Variants in ITPR3 observed in about 807,000 individuals in gnomAD.
ITPR3 encodes the protein inositol 1,4,5-trisphosphate-gated calcium channel ITPR3.
In ITPR3, 173 loss-of-function variants were observed where a neutral mutation model predicts 293.2. That is an observed-to-expected ratio of 0.59 (90% CI 0.52 to 0.67). The LOEUF is 0.67. Ranked by LOEUF, ITPR3 falls within the 30% of genes least tolerant of loss-of-function variation. ITPR3 has a pLI of 0.00. For synonymous variants in ITPR3, 1,295 were observed against 1,444.4 expected, an observed-to-expected ratio of 0.90 and a Z score of 2.35; for missense variants, 2,796 against 3,592.1, an observed-to-expected ratio of 0.78 and a Z score of 5.66.
intron 57 of ITPR3, chr6:33,695,496 G>A (rs1765518385): frequency 1.7e-6 from 1 of 587,582 alleles, no homozygotes; most frequent in Non-Finnish European, 3.0e-6. Flanking sequence ...TTTCCCAGCT[G>A]CATCAAATCC....
In ITPR3 at chr6:33,684,594, C is replaced by T. The variant is rs1582159387; in HGVS notation, c.5047-4C>T. On this transcript the variant is annotated splice_polypyrimidine_tract_variant and splice_region_variant and intron_variant, in intron 37 of 57. Coordinates refer to ENST00000605930, the MANE Select transcript of ITPR3 (RefSeq NM_002224.4). The surrounding 1 kb of genome is among the most constrained non-coding windows in gnomAD (Gnocchi z 4.2). ...AATGGGGCCTCACTCCCATCCTCCC[C>T]CAGGGCAACCAGCTGCGCAAGATGC... The T allele has an allele frequency of 6.2e-7, 1 of 1,614,084 alleles. No homozygotes were observed. The highest frequency in any genetic ancestry group is 2.2e-5 in the East Asian group (1 of 44,884).
intron 3 of ITPR3, among the ~76,000 whole-genome samples, chr6:33,657,607 T>TG (rs776753596): frequency 1.7e-5 from 2 of 117,808 alleles, no homozygotes; most frequent in Non-Finnish European, 3.6e-5. Flanking sequence ...TTTAGGTTCC[T>TG]GGGGGGGTAA....
At chr6:33,663,058 G>A (rs767639499) in intron 9 of ITPR3, 52 bp downstream of exon 9, 5 of 1,487,856 alleles carry the variant, frequency 3.4e-6, no homozygotes, top group Non-Finnish European at 3.7e-6. Context: ...TGTACACGTG[G>A]GTGTGCGGGA....
intron 7 of ITPR3, among the ~76,000 whole-genome samples, chr6:33,661,592 A>G (rs937370006): frequency 6.6e-6 from 1 of 152,204 alleles, no homozygotes; most frequent in African/African-American, 2.4e-5. Context: ...CACGCATATT[A>G]TAATCCTCAC....
At chr6:33,671,110 C>A in intron 20 of ITPR3, 55 bp from the exon 21 acceptor site, 2 of 1,604,292 alleles carry the variant, frequency 1.2e-6, no homozygotes, top group South Asian at 2.2e-5. Context: ...TCCACGAAGC[C>A]CCGCCCCTAC....
In ITPR3 at chr6:33,692,308, G is replaced by A. The variant is rs1169865504; in HGVS notation, c.7458+380G>A. Among the ~76,000 whole-genome samples, 7 of 152,210 alleles carry A rather than the reference G, an allele frequency of 4.6e-5. No individual in the cohort carries two copies. Among genetic ancestry groups the A allele is most frequent in the Non-Finnish European group, 1.5e-5 (1 of 68,026 alleles). On this transcript the variant is annotated intron_variant, in intron 54 of 57. Coordinates refer to ENST00000605930, the MANE Select transcript of ITPR3 (RefSeq NM_002224.4). The surrounding 1 kb of genome is among the most constrained non-coding windows in gnomAD (Gnocchi z 4.2). The stretch of plus-strand genomic sequence containing the variant: ...TGTCAGGCCTTCCCCTGTTGCTTGG[G>A]AGTGAGAGGCCGCCTCCCTGGCCAG...
At chr6:33,688,459 G>GGGGGGCC in intron 48 of ITPR3, 28 bp downstream of exon 48, 1 of 440,070 alleles carries the variant, frequency 2.3e-6, no homozygotes, top group Non-Finnish European at 4.4e-6. Flanking sequence ...GGAGGGTGGG[G>GGGGGGCC]CGGTCTGGAG....
At position 33,679,306 on chromosome 6, in the gene ITPR3, C is replaced by T. The variant is rs1378977891; in HGVS notation, c.3972+467C>T. 1.3e-5 allele frequency among the ~76,000 whole-genome samples: 2 copies of T among 152,038 alleles called. No individual in the cohort carries two copies. Among genetic ancestry groups the T allele is most frequent in the Non-Finnish European group, 2.9e-5 (2 of 68,006 alleles). ...TCAACAGACACCTGTTGAGTGAAGGCACGAAGGATACAGGGCTGAGTCTAA... is the reference window on the plus strand; with the variant it reads ...TCAACAGACACCTGTTGAGTGAAGGTACGAAGGATACAGGGCTGAGTCTAA... On this transcript the variant is annotated intron_variant, in intron 30 of 57. Coordinates refer to ENST00000605930, the MANE Select transcript of ITPR3 (RefSeq NM_002224.4). The surrounding 1 kb of genome is among the most constrained non-coding windows in gnomAD (Gnocchi z 4.2).
At chr6:33,680,734 G>A in intron 33 of ITPR3, 54 bp downstream of exon 33, 1 of 1,569,314 alleles carries the variant, frequency 6.4e-7, no homozygotes, top group South Asian at 1.1e-5. Context: ...CTTTTGTGAA[G>A]GGAAGGGGGG....
chr6:33,626,863 T>C (rs1763560055), intron 1 of ITPR3, among the ~76,000 whole-genome samples: 1 of 152,230 alleles, frequency 6.6e-6, no homozygotes, highest in Non-Finnish European at 1.5e-5. Context: ...TGGAGTACAA[T>C]GGCACAATCT....
intron 7 of ITPR3, among the ~76,000 whole-genome samples, chr6:33,661,992 G>GAAAAAAAAAC (rs1764482028): frequency 2.1e-5 from 1 of 47,186 alleles, no homozygotes; most frequent in African/African-American, 6.6e-5. Context: ...GACTGTCTCT[G>GAAAAAAAAAC]AAAAAAAAAA....
Position 33,659,540 on chromosome 6 carries a change from G to A in ITPR3, c.702G>A (p.Val234=). 6.2e-7 allele frequency: 1 copy of A among 1,613,872 alleles called. No individual in the cohort carries two copies. Among genetic ancestry groups the A allele is most frequent in the Non-Finnish European group, 8.5e-7 (1 of 1,179,806 alleles). The part of the protein sequence containing the change: ...FMQFRDHLEE[V]LKGGDVVRLF... ...AGTTTCGGGACCACCTGGAGGAGGT[G>A]TTGAAAGGGGTAAGGACTGGGAACC... is the stretch of plus-strand genomic sequence containing the variant. Residue 234 remains valine (V), a synonymous_variant, in exon 7 of 58, where the codon GTG becomes GTA. Coordinates refer to ENST00000605930, the MANE Select transcript of ITPR3 (RefSeq NM_002224.4).
chr6:33,694,721 C>CAGAGGGTTGACA (rs1193407262), intron 56 of ITPR3: 3 of 550,200 alleles, frequency 5.5e-6, no homozygotes, highest in Non-Finnish European at 9.3e-6. Flanking sequence ...GTCTCGGTGG[C>CAGAGGGTTGACA]AGAGGGTTGA....
chr6:33,663,586 G>C (rs571527692), intron 10 of ITPR3, 36 bp downstream of exon 10: 40 of 1,601,478 alleles, frequency 2.5e-5, no homozygotes, highest in Non-Finnish European at 3.3e-5. Flanking sequence ...GAGACCATGG[G>C]CCTGCCCTGG....
At chr6:33,631,765 G>A (rs1435617079) in intron 1 of ITPR3, among the ~76,000 whole-genome samples, 1 of 152,102 alleles carries the variant, frequency 6.6e-6, no homozygotes, top group Non-Finnish European at 1.5e-5. Context: ...GCTAATTAAC[G>A]GGTGCATTCC....
Position 33,686,085 on chromosome 6 carries a change from C to T in ITPR3, c.5700C>T (p.Asn1900=), listed in dbSNP as rs367565058. 6 of 1,614,070 alleles carry T rather than the reference C, an allele frequency of 3.7e-6. No homozygotes were observed. The African/African-American group carries it at 8.0e-5, about 22-fold the overall frequency. Residue 1900 remains asparagine (N), a synonymous_variant, in exon 42 of 58, where the codon AAC becomes AAT. Coordinates refer to ENST00000605930, the MANE Select transcript of ITPR3 (RefSeq NM_002224.4). The part of the protein sequence containing the change: ...NFLRCQNNKT[N]YNLVCETLQF... ...TGCGCTGTCAGAACAACAAAACCAA[C>T]TACAACTTGGTATGCGAGACGCTGC...
intron 56 of ITPR3, among the ~76,000 whole-genome samples, chr6:33,694,012 C>T (rs948773468): frequency 2.0e-5 from 3 of 152,188 alleles, no homozygotes; most frequent in Non-Finnish European, 4.4e-5. Context: ...AACCCATGCG[C>T]CCCGAAGAAC....
rs572905492 is a variant in ITPR3 at position 33,680,615 on chromosome 6, G to A, written c.4411G>A (p.Val1471Ile). 42 of 1,614,112 alleles carry A rather than the reference G, an allele frequency of 2.6e-5. No homozygotes were observed. Among genetic ancestry groups the A allele is most frequent in the African/African-American group, 8.0e-5 (6 of 75,028 alleles). The change falls in exon 33 of 58, where the codon GTT becomes ATT. Residue 1471 changes from valine to isoleucine, a missense_variant. Transcript: ENST00000605930. ...CACCTTGGAGAAGTACGTGCTGAGC[G>A]TTGTGCTGGACACCATCAACGCCTT... is the stretch of plus-strand genomic sequence containing the variant. ...DPTLEKYVLSVVLDTINAFFS... is the reference protein window; with the variant it reads ...DPTLEKYVLSIVLDTINAFFS...
At position 33,658,193 on chromosome 6, in the gene ITPR3, CTG is replaced by C. The variant is rs1287353164; in HGVS notation, c.369+180_369+181del. On this transcript the variant is annotated intron_variant, in intron 4 of 57. Coordinates refer to ENST00000605930, the MANE Select transcript of ITPR3 (RefSeq NM_002224.4). This position sits in a 1 kb window ranked among gnomAD's most constrained non-coding sequence, Gnocchi z 6.1. The stretch of plus-strand genomic sequence containing the variant: ...CGTCTGACTGTGTGTGTGTCTGTTG[CTG>C]TGTGGCCTGAGTAGCTGTGCCATGG... Among the ~76,000 whole-genome samples, 2 of 152,156 alleles carry C rather than the reference CTG, an allele frequency of 1.3e-5. No individual in the cohort carries two copies. Among genetic ancestry groups the C allele is most frequent in the Non-Finnish European group, 2.9e-5 (2 of 68,022 alleles).
Sources: allele counts gnomAD v4.1 joint callset (sites outside exome capture counted in the v4.1 genomes callset), GRCh38; gene constraint gnomAD v4.1.1; non-coding constraint Gnocchi (gnomAD v3.1); transcripts MANE v1.5; gene names NCBI Gene and HGNC (gene_info 2026-07-23, HGNC 2026-07-21).